GIGYF1: variants seen among roughly 807,000 people sequenced by gnomAD.
The protein encoded by GIGYF1 is GRB10 interacting GYF protein 1.
A neutral mutation model predicts 147.1 loss-of-function variants in GIGYF1; 84 were observed. The ratio of observed to expected loss-of-function variants is 0.57; its 90% confidence interval spans 0.48 to 0.68. The LOEUF (loss-of-function observed/expected upper bound fraction) is 0.68, where lower values mean the gene tolerates loss of function less well. Ranked by LOEUF, GIGYF1 falls within the 30% of genes least tolerant of loss-of-function variation. The probability of loss-of-function intolerance (pLI) is 0.00; values close to 1 mark genes in which losing one functional copy is unlikely to be tolerated. For missense variants in GIGYF1, 1,485 were observed against 1,393.7 expected (o/e 1.07, Z -1.04); for synonymous variants, 752 against 589.5 (o/e 1.28, Z -3.99).
chr7:100,682,573 C>T lies in GIGYF1; in HGVS notation c.2600+17G>A. ...CCCCCTCAGGGCCATCCCGGAGCCT[C>T]CAGGTGCCACGCCCACCTGAGAGAT... On this transcript the variant is annotated intron_variant, in intron 23 of 26. Coordinates refer to ENST00000678049, the MANE Select transcript of GIGYF1 (RefSeq NM_001375765.1). The T allele has an allele frequency of 1.3e-6, 2 of 1,592,124 alleles. No individual in the cohort carries two copies. The highest frequency in any genetic ancestry group is 1.1e-5 in the South Asian group (1 of 88,986).
At chr7:100,684,979 C>T in intron 14 of GIGYF1, 70 bp downstream of exon 14, 1 of 1,545,864 alleles carries the variant, frequency 6.5e-7, no homozygotes, top group Admixed American at 1.9e-5. Flanking sequence ...TGAGCTGGGG[C>T]CGGGGCTGGG....
In GIGYF1 at chr7:100,681,391, C is replaced by T. The variant is rs1339987560; in HGVS notation, c.*328G>A. ...AAAAAAAACCAAAAAACAAAAACCT[C>T]TGTGGACCTTCCATTGTCACACCCA... is the stretch of plus-strand genomic sequence containing the variant. On this transcript the variant is annotated 3_prime_UTR_variant, in exon 27 of 27. Transcript: ENST00000678049. 8.8e-6 allele frequency: 2 copies of T among 227,168 alleles called. No individual in the cohort carries two copies. The highest frequency in any genetic ancestry group is 1.7e-5 in the Non-Finnish European group (2 of 118,808). The allele number at this position is 227,168 out of a possible 1,614,324, so 14.1% of individuals were successfully genotyped here. A position where few individuals can be genotyped will look rare whatever the true frequency, so the allele number is the denominator to read the frequency against.
chr7:100,683,037 C>T lies in GIGYF1; in HGVS notation c.2387G>A (p.Arg796Gln), dbSNP rs781162981. ...HKQPPPREPA[R>Q]AQAPNHRVQL... is the part of the protein sequence containing the mutation. The stretch of plus-strand genomic sequence containing the variant: ...CACTCGGTGGTTGGGGGCCTGGGCC[C>T]GAGCTGGCTCCCGAGGTGGGGGCTG... The change falls in exon 22 of 27, where the codon CGG (arginine) becomes CAG (glutamine). Residue 796 changes from arginine to glutamine, a missense_variant. By Grantham distance (43) the Arg-to-Gln change is conservative. Transcript: ENST00000678049. 13 of 1,552,186 alleles carry T rather than the reference C, an allele frequency of 8.4e-6. No homozygotes were observed. Among genetic ancestry groups the T allele is most frequent in the South Asian group, 2.3e-5 (2 of 85,870 alleles).
chr7:100,686,816 C>G lies in GIGYF1; in HGVS notation c.527G>C (p.Arg176Pro). Residue 176 changes from arginine (R) to proline (P), a missense_variant, in exon 10 of 27, where the codon CGA becomes CCA. Coordinates refer to ENST00000678049, the MANE Select transcript of GIGYF1 (RefSeq NM_001375765.1). ...FEKSARRDGA[R>P]CGFEEGGAGP... ...AGCCCCTCCCTCCTCAAAGCCACAT[C>G]GTGCTGGGAGACGGGAAGACAGGGG... 2.5e-6 allele frequency: 4 copies of G among 1,613,740 alleles called. No individual in the cohort carries two copies. The highest frequency in any genetic ancestry group is 3.4e-6 in the Non-Finnish European group (4 of 1,179,842).
chr7:100,687,098 C>G, intron 8 of GIGYF1, 52 bp from the exon 9 acceptor site: 1 of 1,609,130 alleles, frequency 6.2e-7, no homozygotes, highest in African/African-American at 1.3e-5. Context: ...CCCCTGCCAC[C>G]CTGTGCAACC....
In GIGYF1 at chr7:100,686,308, G is replaced by C. The variant is rs780005826; in HGVS notation, c.820C>G (p.His274Asp). The change falls in exon 11 of 27, where the codon CAC (histidine) becomes GAC (aspartate). Residue 274 changes from histidine (H) to aspartate (D), a missense_variant. His to Asp is a moderately conservative substitution (Grantham distance 81). Coordinates refer to ENST00000678049, the MANE Select transcript of GIGYF1 (RefSeq NM_001375765.1). Reference sequence around the variant, plus strand: ...TCAGGCGCTCGGCACCGCCGCAGGTGAGAGCTGCCTCCCCCTCCCCGCCCC... The same window carrying C: ...TCAGGCGCTCGGCACCGCCGCAGGTCAGAGCTGCCTCCCCCTCCCCGCCCC... Reference protein sequence around the residue: ...EEGRGGGGSSHLRRCRAPEGF... With the variant: ...EEGRGGGGSSDLRRCRAPEGF... 2.5e-6 allele frequency: 4 copies of C among 1,613,978 alleles called. No individual in the cohort carries two copies. In the East Asian group the frequency reaches 6.7e-5, roughly 27 times the overall value.
chr7:100,684,769 C>A lies in GIGYF1; in HGVS notation c.1416G>T (p.Gly472=). The change falls in exon 15 of 27, where the codon GGG becomes GGT. Residue 472 remains glycine, a synonymous_variant. Coordinates refer to ENST00000678049, the MANE Select transcript of GIGYF1 (RefSeq NM_001375765.1). ...CCTTGTAGAACCACTTCCGGGCAGC[C>A]CCATGGCTGAGCGGGAGGGCAGTGG... ...AAATALPLSH[G]AARKWFYKDP... The A allele has an allele frequency of 8.1e-6, 13 of 1,612,406 alleles. No homozygotes were observed. The highest frequency in any genetic ancestry group is 1.1e-5 in the Non-Finnish European group (13 of 1,179,482).
At position 100,681,908 on chromosome 7, in the gene GIGYF1, G is replaced by A; in HGVS notation, c.3011C>T (p.Ala1004Val). The A allele has an allele frequency of 4.3e-6, 7 of 1,611,454 alleles. No individual in the cohort carries two copies. The highest frequency in any genetic ancestry group is 5.9e-6 in the Non-Finnish European group (7 of 1,179,966). Residue 1004 changes from alanine to valine, a missense_variant, in exon 26 of 27, where the codon GCC (alanine) becomes GTC (valine). By Grantham distance (64) the Ala-to-Val change is moderately conservative (BLOSUM62 0). Transcript: ENST00000678049. ...TKLGPGEGSK[A>V]KRRALMLHSD... ...GTGCAGCATCAGTGCCCGCCTCTTG[G>A]CCTTGCTGCCCTCCCCGGGGCCGAG...
intron 1 of GIGYF1, among the ~76,000 whole-genome samples, chr7:100,693,161 A>G (rs1218181033): frequency 6.6e-6 from 1 of 152,122 alleles, no homozygotes; most frequent in Non-Finnish European, 1.5e-5. Flanking sequence ...TCCAGCTAAC[A>G]AGTCTTTATG....
intron 8 of GIGYF1, 32 bp downstream of exon 8, chr7:100,687,266 C>T (rs372028783): frequency 1.9e-5 from 31 of 1,595,850 alleles, no homozygotes; most frequent in African/African-American, 8.0e-5. Context: ...CTGGCCTGCC[C>T]GGCTCTGCGC....
In GIGYF1 at chr7:100,685,409, C is replaced by G; in HGVS notation, c.1127G>C (p.Gly376Ala). The G allele has an allele frequency of 1.3e-6, 2 of 1,589,060 alleles. No individual in the cohort carries two copies. Among genetic ancestry groups the G allele is most frequent in the Admixed American group, 3.9e-5 (2 of 51,004 alleles). ...ATCCCCGTTTGTCCCCCAGAGTGGG[C>G]CCAGGGTGGGCAGTGGGGATGGGGA... ...SSSPSPLPTLGPLWGTNGDGD... is the reference protein window; with the variant it reads ...SSSPSPLPTLAPLWGTNGDGD... The change falls in exon 13 of 27, where the codon GGC becomes GCC. Residue 376 changes from glycine to alanine, a missense_variant. Transcript: ENST00000678049.
Position 100,683,331 on chromosome 7 carries a change from C to T in GIGYF1, c.2166G>A (p.Glu722=), listed in dbSNP as rs374593762. ...QQQEEQKRRQ[E]EEELFRRKHV... ...GCTTGCGCCGAAACAGCTCTTCCTCCTCCTGCCGCCGCTTCTGCTCCTCCT... is the reference window on the plus strand; with the variant it reads ...GCTTGCGCCGAAACAGCTCTTCCTCTTCCTGCCGCCGCTTCTGCTCCTCCT... The change falls in exon 21 of 27, where the codon GAG becomes GAA. Residue 722 remains glutamate (E), a synonymous_variant. Transcript: ENST00000678049. 1.1e-5 allele frequency: 17 copies of T among 1,613,728 alleles called. No homozygotes were observed. Among genetic ancestry groups the T allele is most frequent in the Non-Finnish European group, 1.4e-5 (17 of 1,180,036 alleles).
Position 100,687,274 on chromosome 7 carries a change from C to T in GIGYF1, c.482+24G>A, listed in dbSNP as rs754274935. The T allele has an allele frequency of 2.0e-5, 32 of 1,601,090 alleles. No homozygotes were observed. In the East Asian group the frequency reaches 2.9e-4, roughly 15 times the overall value. On this transcript the variant is annotated intron_variant, in intron 8 of 26. Transcript: ENST00000678049. ...CCCCTCCCTGGCCTGCCCGGCTCTGCGCCATGCCCCCTCCCCGCCCCACCT... is the reference window on the plus strand; with the variant it reads ...CCCCTCCCTGGCCTGCCCGGCTCTGTGCCATGCCCCCTCCCCGCCCCACCT...
Position 100,683,103 on chromosome 7 carries a change from A to G in GIGYF1, c.2321T>C (p.Leu774Pro), listed in dbSNP as rs1161015475. ...CTCGCCCTCCAGCTGCAACTCCAGGAGCGTCTTCATGGACAGCCCCTGCTT... is the reference window on the plus strand; with the variant it reads ...CTCGCCCTCCAGCTGCAACTCCAGGGGCGTCTTCATGGACAGCCCCTGCTT... ...LAKQGLSMKT[L>P]LELQLEGERQ... Residue 774 changes from leucine (L) to proline (P), a missense_variant, in exon 22 of 27, where the codon CTC becomes CCC. Leu to Pro is a moderately conservative substitution (Grantham distance 98). Coordinates refer to ENST00000678049, the MANE Select transcript of GIGYF1 (RefSeq NM_001375765.1). 1.3e-6 allele frequency: 2 copies of G among 1,591,916 alleles called. No individual in the cohort carries two copies. The highest frequency in any genetic ancestry group is 8.5e-7 in the Non-Finnish European group (1 of 1,174,334).
At chr7:100,684,647 A>AC in intron 15 of GIGYF1, 31 bp from the exon 16 acceptor site, 1 of 1,613,636 alleles carries the variant, frequency 6.2e-7, no homozygotes, top group Middle Eastern at 1.6e-4. Flanking sequence ...CGGGAGAACC[A>AC]CTGGGGTCAC....
Position 100,684,938 on chromosome 7 carries a change from GCAA to G in GIGYF1, c.1291-47_1291-45del, listed in dbSNP as rs761036494. 20 of 1,597,486 alleles carry G rather than the reference GCAA, an allele frequency of 1.3e-5. No individual in the cohort carries two copies. The South Asian group carries it at 2.2e-4, about 18-fold the overall frequency. On this transcript the variant is annotated intron_variant, in intron 14 of 26. Transcript: ENST00000678049. ...AAGAAAGGCTCAGCTGCCAATCTCA[GCAA>G]CATCAGGATGGGGATGGGGATGGAG...
At position 100,687,560 on chromosome 7, in the gene GIGYF1, C is replaced by T. The variant is rs769635789; in HGVS notation, c.318G>A (p.Gly106=). The change falls in exon 7 of 27, where the codon GGG becomes GGA. Residue 106 remains glycine, a synonymous_variant. Transcript: ENST00000678049. ...AGGTGCCAGCCAGGGGGGGGCCAGCCCCTTTCCCCATCAGCCTCAGCACAG... is the reference window on the plus strand; with the variant it reads ...AGGTGCCAGCCAGGGGGGGGCCAGCTCCTTTCCCCATCAGCCTCAGCACAG... ...SVAVLRLMGK[G]AGPPLAGTSR... is the part of the protein sequence containing the mutation. 1.2e-5 allele frequency: 20 copies of T among 1,612,674 alleles called. No homozygotes were observed. The South Asian group carries it at 1.4e-4, about 12-fold the overall frequency.
At chr7:100,682,852 G>T in intron 22 of GIGYF1, 75 bp from the exon 23 acceptor site, 1 of 1,424,776 alleles carries the variant, frequency 7.0e-7, no homozygotes, top group South Asian at 1.4e-5. Context: ...TTGTTTAGGT[G>T]GCAAAGGGAG....
rs776575692 is a variant in GIGYF1, at chr7:100,687,282, C to A, written c.482+16G>T. On this transcript the variant is annotated intron_variant, in intron 8 of 26. Transcript: ENST00000678049. The stretch of plus-strand genomic sequence containing the variant: ...TGGCCTGCCCGGCTCTGCGCCATGC[C>A]CCCTCCCCGCCCCACCTGTCATCCC... 2 of 1,608,436 alleles carry A rather than the reference C, an allele frequency of 1.2e-6. No homozygotes were observed. The highest frequency in any genetic ancestry group is 2.2e-5 in the South Asian group (2 of 90,798).
Sources: allele counts gnomAD v4.1 joint callset (sites outside exome capture counted in the v4.1 genomes callset), GRCh38; gene constraint gnomAD v4.1.1; transcripts MANE v1.5; gene names NCBI Gene and HGNC (gene_info 2026-07-23, HGNC 2026-07-21).